ROBO1: variants seen among roughly 807,000 people sequenced by gnomAD.
The protein encoded by ROBO1 is roundabout guidance receptor 1, also known as roundabout homolog 1.
A neutral mutation model predicts 195.9 loss-of-function variants in ROBO1; 149 were observed. The observed-to-expected ratio is 0.76, with a 90% CI of 0.67 to 0.87. The LOEUF (loss-of-function observed/expected upper bound fraction) is 0.87. Among genes scored for constraint, ROBO1 ranks in the 40% least tolerant of loss-of-function variants. ROBO1 has a pLI of 0.00. For missense variants in ROBO1, 1,933 were observed against 2,068.3 expected (o/e 0.93, Z 1.27); for synonymous variants, 816 against 733.2 (o/e 1.11, Z -1.82).
chr3:79,060,944 C>T (rs2078905201), intron 3 of ROBO1, among the ~76,000 whole-genome samples: 1 of 152,094 alleles, frequency 6.6e-6, no homozygotes, highest in Admixed American at 6.6e-5. Context: ...TGGCACAAGG[C>T]AAGGATGCCC....
chr3:79,012,038 G>A (rs1258180235), intron 3 of ROBO1, among the ~76,000 whole-genome samples: 2 of 152,128 alleles, frequency 1.3e-5, no homozygotes, highest in Non-Finnish European at 2.9e-5. Context: ...CACATGAGTT[G>A]AATTTAGACA....
At chr3:79,223,597 T>C (rs1207248977) in intron 2 of ROBO1, among the ~76,000 whole-genome samples, 10 of 152,222 alleles carry the variant, frequency 6.6e-5, no homozygotes, top group Non-Finnish European at 4.4e-5. Flanking sequence ...AAATGACTGA[T>C]GGCACAGGAC....
rs371391739 is a variant in ROBO1 at position 78,996,588 on chromosome 3, G to A, written c.173-57661C>T. ...CCAGTTCACACTGGTAAATTTAGTCGACAAGGAACGGCTTTACTGATGTAT... is the reference window on the plus strand; with the variant it reads ...CCAGTTCACACTGGTAAATTTAGTCAACAAGGAACGGCTTTACTGATGTAT... On this transcript the variant is annotated intron_variant, in intron 3 of 30. Transcript: ENST00000464233. Among the ~76,000 whole-genome samples, 51 of 152,000 alleles carry A rather than the reference G, an allele frequency of 3.4e-4. 1 individual carries two copies. The highest frequency in any genetic ancestry group is 6.8e-3 in the Middle Eastern group (2 of 292).
intron 2 of ROBO1, among the ~76,000 whole-genome samples, chr3:79,147,613 C>T (rs1483882076): frequency 6.6e-6 from 1 of 151,880 alleles, no homozygotes; most frequent in Non-Finnish European, 1.5e-5. Context: ...GGTCCTTGAA[C>T]AGAAAAGTAC....
intron 1 of ROBO1, among the ~76,000 whole-genome samples, chr3:79,738,551 G>C (rs1422095900): frequency 6.6e-6 from 1 of 152,156 alleles, no homozygotes; most frequent in East Asian, 1.9e-4. Flanking sequence ...AGTTATTCGT[G>C]TGAGAACTGC....
chr3:79,730,820 C>T (rs1185720138), intron 1 of ROBO1, among the ~76,000 whole-genome samples: 2 of 137,058 alleles, frequency 1.5e-5, no homozygotes, highest in Non-Finnish European at 3.0e-5. Context: ...CTCTGTTGCC[C>T]AGGCTGGAGT....
intron 3 of ROBO1, among the ~76,000 whole-genome samples, chr3:78,955,739 G>A (rs965964770): frequency 6.6e-6 from 1 of 152,100 alleles, no homozygotes; most frequent in Non-Finnish European, 1.5e-5. Context: ...GATAGCATAT[G>A]GGATTGCAAT....
At chr3:79,736,441 G>A (rs1030037584) in intron 1 of ROBO1, among the ~76,000 whole-genome samples, 10 of 152,232 alleles carry the variant, frequency 6.6e-5, no homozygotes, top group Admixed American at 5.9e-4. Flanking sequence ...TATTGTTCTG[G>A]CTTCTATGAG....
At chr3:79,297,095 G>A (rs2032635203) in intron 2 of ROBO1, among the ~76,000 whole-genome samples, 2 of 152,170 alleles carry the variant, frequency 1.3e-5, no homozygotes, top group African/African-American at 2.4e-5. Flanking sequence ...AATACAAAAT[G>A]TAGTTGGTAT....
At chr3:79,635,046 A>C (rs1368660831) in intron 1 of ROBO1, among the ~76,000 whole-genome samples, 1 of 152,180 alleles carries the variant, frequency 6.6e-6, no homozygotes, top group East Asian at 1.9e-4. Context: ...ATTGTGTGGG[A>C]ATAAATCAAA....
chr3:79,404,737 T>C (rs2037483861), intron 2 of ROBO1, among the ~76,000 whole-genome samples: 1 of 152,072 alleles, frequency 6.6e-6, no homozygotes, highest in African/African-American at 2.4e-5. Flanking sequence ...AGTGTTACTA[T>C]AATAATTTTA....
chr3:79,039,909 C>G (rs1386496540), intron 3 of ROBO1, among the ~76,000 whole-genome samples: 1 of 148,974 alleles, frequency 6.7e-6, no homozygotes, highest in Non-Finnish European at 1.5e-5. Context: ...ACAATAATAA[C>G]TTCCTTTCAA....
intron 3 of ROBO1, among the ~76,000 whole-genome samples, chr3:78,951,052 T>A (rs1414802873): frequency 6.6e-6 from 1 of 151,674 alleles, no homozygotes; most frequent in Non-Finnish European, 1.5e-5. Context: ...TATATGTGTA[T>A]GTTATATATC....
chr3:79,557,745 T>TATATATATATATATATATTTTTTTTTTA (rs1942760938), intron 2 of ROBO1, among the ~76,000 whole-genome samples: 1 of 106,582 alleles, frequency 9.4e-6, no homozygotes, highest in African/African-American at 4.6e-5. Context: ...CAAAAAAAAA[T>TATATATATATATATATATTTTTTTTTTA]ATATATATAT....
At chr3:78,782,445 C>T (rs2083706658) in intron 4 of ROBO1, among the ~76,000 whole-genome samples, 1 of 152,118 alleles carries the variant, frequency 6.6e-6, no homozygotes, top group Non-Finnish European at 1.5e-5. Flanking sequence ...GATCCTCCCA[C>T]CTTGGCCTCC....
rs542001362 is a variant in ROBO1 at position 78,987,966 on chromosome 3, A to C, written c.173-49039T>G. On this transcript the variant is annotated intron_variant, in intron 3 of 30. Transcript: ENST00000464233. Reference sequence around the variant, plus strand: ...TAATTAGAACTGTACCCAAATATAAATAATAAATAATTGATGAACAAGATA... The same window carrying C: ...TAATTAGAACTGTACCCAAATATAACTAATAAATAATTGATGAACAAGATA... Among the ~76,000 whole-genome samples the C allele has an allele frequency of 2.0e-5, 3 of 152,276 alleles. No individual in the cohort carries two copies. The South Asian group carries it at 6.2e-4, about 32-fold the overall frequency.
chr3:79,364,018 C>A (rs1375914229), intron 2 of ROBO1, among the ~76,000 whole-genome samples: 2 of 151,852 alleles, frequency 1.3e-5, no homozygotes. Context: ...TCCTGGCTAA[C>A]ATGGTGAAAC....
intron 2 of ROBO1, among the ~76,000 whole-genome samples, chr3:79,186,322 T>TAC (rs1308258002): frequency 6.6e-6 from 1 of 151,196 alleles, no homozygotes; most frequent in African/African-American, 2.5e-5. Context: ...CAAGTATATC[T>TAC]ACACACACAT....
chr3:78,645,859 C>T (rs1310399077), intron 21 of ROBO1, among the ~76,000 whole-genome samples: 4 of 152,028 alleles, frequency 2.6e-5, no homozygotes, highest in African/African-American at 9.7e-5. Context: ...TAAATGCCAC[C>T]GCTTAGTCAC....
Sources: allele counts gnomAD v4.1 joint callset (sites outside exome capture counted in the v4.1 genomes callset), GRCh38; gene constraint gnomAD v4.1.1; transcripts MANE v1.5; gene names NCBI Gene and HGNC (gene_info 2026-07-23, HGNC 2026-07-21).